CAMKMT: variants seen among roughly 807,000 people sequenced by gnomAD.
The protein encoded by CAMKMT is CaM KMT.
In CAMKMT, 53 loss-of-function variants were observed where a neutral mutation model predicts 48.0. The observed-to-expected ratio is 1.10, with a 90% confidence interval of 0.89 to 1.39. CAMKMT has a LOEUF of 1.39. CAMKMT is among the 40% of genes most tolerant of loss of function. The probability of loss-of-function intolerance (pLI) is 0.00; values close to 1 mark genes in which losing one functional copy is unlikely to be tolerated. For synonymous variants in CAMKMT, 165 were observed against 152.3 expected, an observed-to-expected ratio of 1.08 and a Z score of -0.61; for missense variants, 428 against 402.7, an observed-to-expected ratio of 1.06 and a Z score of -0.54.
At position 44,640,563 on chromosome 2, in the gene CAMKMT, A is replaced by G. The variant is rs539764918; in HGVS notation, c.377-63720A>G. 3.3e-5 allele frequency among the ~76,000 whole-genome samples: 5 copies of G among 152,302 alleles called. No homozygotes were observed. The East Asian group carries it at 9.6e-4, about 29-fold the overall frequency. On this transcript the variant is annotated intron_variant, in intron 3 of 10. Transcript: ENST00000378494. ...AGTCCTCAGTTTCCTCATACATAAC[A>G]GTGTTGTGAGAATGAAATGAATTAA...
intron 3 of CAMKMT, among the ~76,000 whole-genome samples, chr2:44,459,124 A>T (rs1055266744): frequency 2.0e-5 from 3 of 152,148 alleles, no homozygotes; most frequent in Non-Finnish European, 2.9e-5. Context: ...AGATTTAGGA[A>T]TAGTACCCTT....
intron 3 of CAMKMT, among the ~76,000 whole-genome samples, chr2:44,458,041 A>ATTTTT (rs1667660664): frequency 9.7e-6 from 1 of 102,620 alleles, no homozygotes; most frequent in African/African-American, 3.9e-5. Flanking sequence ...TAGCTTTGTG[A>ATTTTT]CTTTTTTTTT....
chr2:44,496,103 C>CT (rs1163309899), intron 3 of CAMKMT, among the ~76,000 whole-genome samples: 1 of 152,100 alleles, frequency 6.6e-6, no homozygotes, highest in Admixed American at 6.6e-5. Flanking sequence ...GCATTTGAAG[C>CT]TTTTCAGATT....
chr2:44,685,011 C>A (rs1354891585), intron 3 of CAMKMT, among the ~76,000 whole-genome samples: 1 of 151,928 alleles, frequency 6.6e-6, no homozygotes, highest in East Asian at 1.9e-4. Flanking sequence ...AGGTTTAGAA[C>A]AATTCGTTGC....
intron 3 of CAMKMT, among the ~76,000 whole-genome samples, chr2:44,678,896 G>GC (rs1675868472): frequency 6.6e-6 from 1 of 151,942 alleles, no homozygotes; most frequent in Non-Finnish European, 1.5e-5. Context: ...ATCTATCTTG[G>GC]CCCAAATCCT....
At chr2:44,634,658 A>G (rs1673018259) in intron 3 of CAMKMT, among the ~76,000 whole-genome samples, 1 of 152,090 alleles carries the variant, frequency 6.6e-6, no homozygotes, top group Admixed American at 6.6e-5. Context: ...AGTCTGTTAG[A>G]GAGGACAAAC....
rs1674422069 is a variant in CAMKMT at position 44,657,106 on chromosome 2, T to C, written c.377-47177T>C. ...GATATCTGAGGATACAGGCAGTTGC[T>C]AATTTGTTCTAATGTGCTGGTCAGA... is the stretch of plus-strand genomic sequence containing the variant. On this transcript the variant is annotated intron_variant, in intron 3 of 10. Coordinates refer to ENST00000378494, the MANE Select transcript of CAMKMT (RefSeq NM_024766.5). The surrounding 1 kb of genome is among the most constrained non-coding windows in gnomAD (Gnocchi z 4.3). 6.6e-6 allele frequency among the ~76,000 whole-genome samples: 1 copy of C among 152,196 alleles called. No homozygotes were observed. Among genetic ancestry groups the C allele is most frequent in the African/African-American group, 2.4e-5 (1 of 41,454 alleles).
chr2:44,606,786 G>A (rs533763548), intron 3 of CAMKMT, among the ~76,000 whole-genome samples: 44 of 150,924 alleles, frequency 2.9e-4, no homozygotes, highest in Non-Finnish European at 5.6e-4. Context: ...TAGAATAAAT[G>A]ACTTAGAAAT....
rs190500656 is a variant in CAMKMT at position 44,490,433 on chromosome 2, A to C, written c.376+100128A>C. On this transcript the variant is annotated intron_variant, in intron 3 of 10. Transcript: ENST00000378494. Reference sequence around the variant, plus strand: ...TGGGATTACAGGCATGCGCCACCACACTCGGCTAATTTTGTATTTTTAGTA... The same window carrying C: ...TGGGATTACAGGCATGCGCCACCACCCTCGGCTAATTTTGTATTTTTAGTA... Among the ~76,000 whole-genome samples, 1,233 of 150,386 alleles carry C rather than the reference A, an allele frequency of 8.2e-3. 15 individuals are homozygous for C. Among genetic ancestry groups the C allele is most frequent in the African/African-American group, 0.029 (1,177 of 40,902 alleles).
chr2:44,462,344 A>T (rs1667890886), intron 3 of CAMKMT, among the ~76,000 whole-genome samples: 1 of 152,164 alleles, frequency 6.6e-6, no homozygotes, highest in Non-Finnish European at 1.5e-5. Flanking sequence ...ATGTATACAT[A>T]GACACTTACA....
At chr2:44,600,843 A>G (rs1312909469) in intron 3 of CAMKMT, among the ~76,000 whole-genome samples, 8 of 152,112 alleles carry the variant, frequency 5.3e-5, no homozygotes, top group African/African-American at 1.5e-4. Flanking sequence ...TCAGATGGAG[A>G]TTAAAACTAC....
intron 3 of CAMKMT, among the ~76,000 whole-genome samples, chr2:44,666,610 A>ATTTTTTTTT (rs1674984437): frequency 7.1e-6 from 1 of 140,518 alleles, no homozygotes; most frequent in African/African-American, 3.0e-5. Context: ...GGCTCCTGGA[A>ATTTTTTTTT]TCTTTTTTTT....
chr2:44,659,418 C>T (rs1281962078), intron 3 of CAMKMT, among the ~76,000 whole-genome samples: 3 of 151,574 alleles, frequency 2.0e-5, no homozygotes, highest in Non-Finnish European at 4.4e-5. Context: ...CAGAACAAGA[C>T]CCAGTTTCAA....
chr2:44,548,211 G>C (rs542366853), intron 3 of CAMKMT, among the ~76,000 whole-genome samples: 1 of 152,114 alleles, frequency 6.6e-6, no homozygotes, highest in Admixed American at 6.6e-5. Context: ...CAACCAGCTC[G>C]AAGTCCCCTC....
chr2:44,706,408 C>G, intron 5 of CAMKMT, 67 bp downstream of exon 5: 1 of 1,503,508 alleles, frequency 6.7e-7, no homozygotes, highest in South Asian at 1.1e-5. Context: ...TCCAGGGCCT[C>G]CAACTGCTGG....
At chr2:44,445,379 C>G (rs1039417919) in intron 3 of CAMKMT, among the ~76,000 whole-genome samples, 1 of 152,080 alleles carries the variant, frequency 6.6e-6, no homozygotes, top group Non-Finnish European at 1.5e-5. Context: ...ATGCCTGCTC[C>G]CCTCTTTCTA....
chr2:44,719,030 G>A (rs546542061), intron 7 of CAMKMT, among the ~76,000 whole-genome samples: 8 of 152,220 alleles, frequency 5.3e-5, no homozygotes, highest in South Asian at 2.1e-4. Context: ...TGAAAGGTAC[G>A]TTCCAACCAA....
chr2:44,404,578 T>C (rs1682649483), intron 3 of CAMKMT, among the ~76,000 whole-genome samples: 1 of 152,124 alleles, frequency 6.6e-6, no homozygotes, highest in South Asian at 2.1e-4. Context: ...AATTGCTATT[T>C]CTTTGCTTAA....
intron 8 of CAMKMT, among the ~76,000 whole-genome samples, chr2:44,751,536 C>A (rs1680154988): frequency 6.6e-6 from 1 of 152,176 alleles, no homozygotes; most frequent in African/African-American, 2.4e-5. Context: ...TTAGAAGGTA[C>A]CTGTTAGCTA....
Sources: allele counts gnomAD v4.1 joint callset (sites outside exome capture counted in the v4.1 genomes callset), GRCh38; gene constraint gnomAD v4.1.1; non-coding constraint Gnocchi (gnomAD v3.1); transcripts MANE v1.5; gene names NCBI Gene and HGNC (gene_info 2026-07-23, HGNC 2026-07-21).